The following ADORA2B variants were observed in gnomAD, a reference collection of about 807,000 sequenced individuals.
ADORA2B encodes the protein adenosine A2b receptor.
In ADORA2B, 18 loss-of-function variants were observed where a neutral mutation model predicts 20.8. The ratio of observed to expected loss-of-function variants is 0.87; its 90% CI spans 0.60 to 1.29. ADORA2B has a LOEUF of 1.29. Ranked by LOEUF, ADORA2B falls within the 50% of genes most tolerant of loss-of-function variation. ADORA2B has a pLI of 0.00. For missense variants in ADORA2B, 441 were observed against 422.7 expected (o/e 1.04, Z -0.38); for synonymous variants, 179 against 178.3 (o/e 1.00, Z -0.03).
chr17:15,971,910 G>A (rs1475519957), intron 1 of ADORA2B, among the ~76,000 whole-genome samples: 1 of 152,136 alleles, frequency 6.6e-6, no homozygotes, highest in Non-Finnish European at 1.5e-5. Context: ...TGGGATTATA[G>A]GCATGAGCCA....
At chr17:15,868,213 C>T in the ADORA2B span, among the ~76,000 whole-genome samples, 17 of 137,488 alleles carry the variant, frequency 1.2e-4, no homozygotes, top group African/African-American at 3.2e-4. Flanking sequence ...TAATCTCAAG[C>T]ACCCAGGGAC....
intron 1 of ADORA2B, among the ~76,000 whole-genome samples, chr17:15,959,986 A>G (rs978060304): frequency 6.6e-6 from 1 of 152,240 alleles, no homozygotes; most frequent in African/African-American, 2.4e-5. Flanking sequence ...CTTTCAAGAC[A>G]TTAACATTTT....
the ADORA2B span, among the ~76,000 whole-genome samples, chr17:15,920,399 T>G: frequency 6.6e-6 from 1 of 152,226 alleles, no homozygotes; most frequent in Non-Finnish European, 1.5e-5. Flanking sequence ...GTTCCCCTTA[T>G]GACATAGCAA....
chr17:15,964,265 T>C (rs1970073256), intron 1 of ADORA2B, among the ~76,000 whole-genome samples: 2 of 152,210 alleles, frequency 1.3e-5, no homozygotes, highest in African/African-American at 4.8e-5. Context: ...TTGGCAGAAT[T>C]AGTGAAATCA....
chr17:15,970,431 G>A (rs911827055), intron 1 of ADORA2B, among the ~76,000 whole-genome samples: 2 of 152,148 alleles, frequency 1.3e-5, no homozygotes, highest in African/African-American at 2.4e-5. Flanking sequence ...AACTCTAGTA[G>A]GAAGCCACCC....
At chr17:15,961,863 TA>T (rs1472334025) in intron 1 of ADORA2B, among the ~76,000 whole-genome samples, 2 of 152,140 alleles carry the variant, frequency 1.3e-5, no homozygotes, top group African/African-American at 4.8e-5. Flanking sequence ...ATAGTGACAT[TA>T]ATTCATTCCT....
intron 1 of ADORA2B, among the ~76,000 whole-genome samples, chr17:15,967,475 C>T (rs1428417716): frequency 6.6e-6 from 1 of 152,140 alleles, no homozygotes; most frequent in East Asian, 1.9e-4. Context: ...AGGTGATCCA[C>T]CCACCTCGGC....
intron 1 of ADORA2B, among the ~76,000 whole-genome samples, chr17:15,962,083 ACT>A: frequency 6.6e-6 from 1 of 152,270 alleles, no homozygotes; most frequent in South Asian, 2.1e-4. Flanking sequence ...TGGGTGGATC[ACT>A]TGAGGTCAGG....
the ADORA2B span, among the ~76,000 whole-genome samples, chr17:15,910,070 C>G: frequency 6.6e-6 from 1 of 152,286 alleles, no homozygotes; most frequent in African/African-American, 2.4e-5. Flanking sequence ...AATGCCCATC[C>G]CTTGCTGTTC....
chr17:15,923,402 TATATA>T, the ADORA2B span, among the ~76,000 whole-genome samples: 1 of 129,066 alleles, frequency 7.7e-6, no homozygotes, highest in Non-Finnish European at 1.6e-5. Context: ...TATATATATA[TATATA>T]TTTTTTTTTT....
chr17:15,917,972 G>A, the ADORA2B span, among the ~76,000 whole-genome samples: 1 of 152,202 alleles, frequency 6.6e-6, no homozygotes, highest in African/African-American at 2.4e-5. Flanking sequence ...GTCCTCCTCC[G>A]TATCCTTGTG....
the ADORA2B span, among the ~76,000 whole-genome samples, chr17:15,871,681 C>T: frequency 5.3e-5 from 8 of 152,266 alleles, no homozygotes; most frequent in South Asian, 2.1e-4. Flanking sequence ...CTGATAAAAA[C>T]GCTGGATGCA....
At chr17:15,931,880 C>T in the ADORA2B span, among the ~76,000 whole-genome samples, 1 of 151,496 alleles carries the variant, frequency 6.6e-6, no homozygotes, top group Non-Finnish European at 1.5e-5. Flanking sequence ...TACAGGCACT[C>T]GCTACCATGC....
the ADORA2B span, among the ~76,000 whole-genome samples, chr17:15,874,835 T>C: frequency 6.6e-6 from 1 of 152,180 alleles, no homozygotes; most frequent in African/African-American, 2.4e-5. Flanking sequence ...TGTTATACTT[T>C]CCATTTTAAT....
chr17:15,881,670 T>G, the ADORA2B span, among the ~76,000 whole-genome samples: 4 of 152,360 alleles, frequency 2.6e-5, no homozygotes, highest in African/African-American at 9.6e-5. Flanking sequence ...AGACGTGGAC[T>G]CACACCGCAT....
chr17:15,898,602 C>T, the ADORA2B span, among the ~76,000 whole-genome samples: 1 of 151,916 alleles, frequency 6.6e-6, no homozygotes, highest in Non-Finnish European at 1.5e-5. Context: ...CTCCTGACTT[C>T]GTGATCCACC....
Position 15,945,523 on chromosome 17 carries a change from C to A in ADORA2B, c.275C>A (p.Ser92Tyr). The change falls in exon 1 of 2, where the codon TCC (serine) becomes TAC (tyrosine). Residue 92 changes from serine (S) to tyrosine (Y), a missense_variant. By Grantham distance (144) the Ser-to-Tyr change is moderately radical. Coordinates refer to ENST00000304222, the MANE Select transcript of ADORA2B (RefSeq NM_000676.4). ...TTCGTGCTGGTGCTCACGCAGAGCTCCATCTTCAGCCTTCTGGCCGTGGCA... is the reference window on the plus strand; with the variant it reads ...TTCGTGCTGGTGCTCACGCAGAGCTACATCTTCAGCCTTCTGGCCGTGGCA... ...ACFVLVLTQS[S>Y]IFSLLAVAVD... is the part of the protein sequence containing the mutation. 6.2e-7 allele frequency: 1 copy of A among 1,605,040 alleles called. No homozygotes were observed.
the ADORA2B span, among the ~76,000 whole-genome samples, chr17:15,854,191 G>A: frequency 6.6e-6 from 1 of 152,142 alleles, no homozygotes; most frequent in South Asian, 2.1e-4. Flanking sequence ...CTGACCTCAG[G>A]TGATCTGCCC....
At chr17:15,947,610 C>T (rs1969825828) in intron 1 of ADORA2B, among the ~76,000 whole-genome samples, 1 of 152,200 alleles carries the variant, frequency 6.6e-6, no homozygotes, top group African/African-American at 2.4e-5. Flanking sequence ...AGGCAGTCCC[C>T]AGCTCCCTGC....
Sources: gnomAD v4.1 joint callset for allele counts (sites outside exome capture counted in the v4.1 genomes callset) on GRCh38, gnomAD v4.1.1 for gene constraint, MANE v1.5 for transcripts, NCBI Gene and HGNC (gene_info 2026-07-23, HGNC 2026-07-21) for gene names.